Variants in DNAJC5B observed in about 807,000 individuals in gnomAD.
The protein encoded by DNAJC5B is DnaJ heat shock protein family (Hsp40) member C5 beta.
Under a neutral mutation model 24.7 loss-of-function variants are expected in DNAJC5B, and 23 were observed. That is an observed-to-expected ratio of 0.93 (90% CI 0.67 to 1.32). The LOEUF is 1.32. DNAJC5B is among the 40% of genes most tolerant of loss of function. The pLI is 0.00. For missense variants in DNAJC5B, 238 were observed against 240.8 expected, an observed-to-expected ratio of 0.99 and a Z score of 0.08; for synonymous variants, 101 against 90.1, an observed-to-expected ratio of 1.12 and a Z score of -0.68.
At chr8:66,023,299 T>A (rs1806182098) in intron 1 of DNAJC5B, among the ~76,000 whole-genome samples, 1 of 152,202 alleles carries the variant, frequency 6.6e-6, no homozygotes, top group Non-Finnish European at 1.5e-5. Flanking sequence ...TAGAATATTC[T>A]AAAAGGAGGA....
At chr8:66,031,025 C>T (rs950051207) in intron 1 of DNAJC5B, among the ~76,000 whole-genome samples, 2 of 152,230 alleles carry the variant, frequency 1.3e-5, no homozygotes, top group Admixed American at 1.3e-4. Context: ...AGCCCCTCAC[C>T]ACCTCTATAA....
rs1207233054 is a variant in DNAJC5B, at chr8:66,101,083, C to G, written c.*1052C>G. 6.6e-6 allele frequency among the ~76,000 whole-genome samples: 1 copy of G among 152,048 alleles called. No homozygotes were observed. The highest frequency in any genetic ancestry group is 2.4e-5 in the African/African-American group (1 of 41,402). On this transcript the variant is annotated 3_prime_UTR_variant, in exon 6 of 6. Coordinates refer to ENST00000276570, the MANE Select transcript of DNAJC5B (RefSeq NM_033105.6). ...TTATATAATATTGCATTTTCAAGAT[C>G]TTGTTATGTTTTTATATAATATTGT...
chr8:66,047,525 A>G (rs1806747152), intron 2 of DNAJC5B, among the ~76,000 whole-genome samples: 1 of 152,156 alleles, frequency 6.6e-6, no homozygotes, highest in Non-Finnish European at 1.5e-5. Context: ...CGTTTTATTT[A>G]TCTTACTCCT....
At chr8:66,028,324 A>G (rs1279484995) in intron 1 of DNAJC5B, among the ~76,000 whole-genome samples, 1 of 152,192 alleles carries the variant, frequency 6.6e-6, no homozygotes, top group Non-Finnish European at 1.5e-5. Context: ...AAAGCAAATA[A>G]TTCACTTTGC....
chr8:66,053,346 A>G (rs1806893099), intron 3 of DNAJC5B, among the ~76,000 whole-genome samples: 1 of 152,198 alleles, frequency 6.6e-6, no homozygotes, highest in Non-Finnish European at 1.5e-5. Context: ...GATAACAGAA[A>G]TAGTGGAATA....
intron 5 of DNAJC5B, among the ~76,000 whole-genome samples, chr8:66,083,003 CTTTTTTTTTT>C (rs765749597): frequency 1.0e-4 from 9 of 86,724 alleles, no homozygotes; most frequent in Non-Finnish European, 2.0e-4. Flanking sequence ...CTTTTCTTTT[CTTTTTTTTTT>C]TTTTTTTTTT....
chr8:66,020,828 G>C (rs552298447), upstream of DNAJC5B, among the ~76,000 whole-genome samples: 7 of 152,174 alleles, frequency 4.6e-5, no homozygotes, highest in East Asian at 1.3e-3. Context: ...TGTAGAGATA[G>C]GGTCTCACTA....
chr8:66,061,608 AGAGTGTGTGTGT>A (rs1807082494), intron 3 of DNAJC5B, among the ~76,000 whole-genome samples: 1 of 148,804 alleles, frequency 6.7e-6, no homozygotes, highest in African/African-American at 2.5e-5. Context: ...AGAGAGAGAG[AGAGTGTGTGTGT>A]GTGTGTGTGT....
At chr8:66,059,210 A>T (rs1807029484) in intron 3 of DNAJC5B, among the ~76,000 whole-genome samples, 1 of 152,244 alleles carries the variant, frequency 6.6e-6, no homozygotes, top group Non-Finnish European at 1.5e-5. Flanking sequence ...TCATTGCTAG[A>T]TCATGTCACT....
At chr8:66,080,259 G>A (rs1807561641) in intron 4 of DNAJC5B, 118 bp from the exon 5 acceptor site, 1 of 1,409,084 alleles carries the variant, frequency 7.1e-7, no homozygotes, top group Non-Finnish European at 9.6e-7. Context: ...GTGGCCTGTG[G>A]GGTGAACTGT....
chr8:66,020,338 T>C (rs940038914), upstream of DNAJC5B, among the ~76,000 whole-genome samples: 10 of 152,322 alleles, frequency 6.6e-5, no homozygotes, highest in South Asian at 1.2e-3. Context: ...TGATGTAAAA[T>C]GTTATTGGTA....
intron 5 of DNAJC5B, among the ~76,000 whole-genome samples, chr8:66,084,380 C>T (rs1195467800): frequency 6.6e-6 from 1 of 152,150 alleles, no homozygotes; most frequent in Non-Finnish European, 1.5e-5. Flanking sequence ...TGGTATGACA[C>T]TGGGGCTTTA....
At chr8:66,064,476 C>T (rs141589145) in intron 3 of DNAJC5B, among the ~76,000 whole-genome samples, 18 of 152,226 alleles carry the variant, frequency 1.2e-4, no homozygotes, top group African/African-American at 3.4e-4. Flanking sequence ...AGATATCAGG[C>T]GGAGGAAGTC....
At chr8:66,039,778 A>T (rs1449287836) in intron 1 of DNAJC5B, among the ~76,000 whole-genome samples, 2 of 152,204 alleles carry the variant, frequency 1.3e-5, no homozygotes, top group African/African-American at 4.8e-5. Flanking sequence ...CACTGTGATA[A>T]AGGGGGAACA....
intron 3 of DNAJC5B, among the ~76,000 whole-genome samples, chr8:66,054,260 CT>C (rs1331274000): frequency 6.6e-6 from 1 of 152,110 alleles, no homozygotes; most frequent in Non-Finnish European, 1.5e-5. Context: ...AACCTAAGTG[CT>C]TTTTCTTACT....
intron 2 of DNAJC5B, among the ~76,000 whole-genome samples, chr8:66,046,277 C>T (rs147083989): frequency 4.6e-5 from 7 of 152,198 alleles, no homozygotes; most frequent in South Asian, 2.1e-4. Context: ...TCTTAGTCCA[C>T]GTGCAGGCTC....
At chr8:66,082,706 A>AT (rs1435826200) in intron 5 of DNAJC5B, among the ~76,000 whole-genome samples, 1 of 152,164 alleles carries the variant, frequency 6.6e-6, no homozygotes, top group Non-Finnish European at 1.5e-5. Context: ...AGGGATCCAG[A>AT]TTTTGTGGGA....
intron 1 of DNAJC5B, among the ~76,000 whole-genome samples, chr8:66,028,058 T>G (rs1378609513): frequency 1.3e-5 from 2 of 152,146 alleles, no homozygotes; most frequent in African/African-American, 4.8e-5. Flanking sequence ...CACTGTGAAC[T>G]TCAAAGTGCC....
At chr8:66,092,227 G>C (rs1043537138) in intron 5 of DNAJC5B, among the ~76,000 whole-genome samples, 2 of 152,152 alleles carry the variant, frequency 1.3e-5, no homozygotes, top group African/African-American at 4.8e-5. Context: ...ACCAAGATTT[G>C]ACTAGAAAAA....
Sources: gnomAD v4.1 joint callset for allele counts (sites outside exome capture counted in the v4.1 genomes callset) on GRCh38, gnomAD v4.1.1 for gene constraint, MANE v1.5 for transcripts, NCBI Gene and HGNC (gene_info 2026-07-23, HGNC 2026-07-21) for gene names.